The following ZNF589 variants were observed in gnomAD, a reference collection of about 807,000 sequenced individuals.
The protein encoded by ZNF589 is KRAB-zinc finger protein SZF1-1.
ZNF589 carries 17 observed loss-of-function variants against 13.6 expected under a neutral mutation model. The ratio of observed to expected loss-of-function variants is 1.25; its 90% CI spans 0.86 to 1.88. The LOEUF is 1.88. Among genes scored for constraint, ZNF589 ranks in the 40% most tolerant of loss-of-function variants. ZNF589 has a pLI of 0.00. For missense variants in ZNF589, 407 were observed against 434.0 expected, an observed-to-expected ratio of 0.94 and a Z score of 0.55; for synonymous variants, 148 against 161.6, an observed-to-expected ratio of 0.92 and a Z score of 0.64.
intron 2 of ZNF589, chr3:48,256,506 G>A: frequency 1.7e-6 from 1 of 603,754 alleles, no homozygotes. Context: ...TTGAATTGGG[G>A]TTTGCCCTTT....
At chr3:48,262,894 G>A (rs1214208955) in intron 3 of ZNF589, among the ~76,000 whole-genome samples, 1 of 152,192 alleles carries the variant, frequency 6.6e-6, no homozygotes, top group African/African-American at 2.4e-5. Context: ...GCTGGTTGTG[G>A]TGTTTGAGTA....
At chr3:48,251,143 C>T (rs1006528069) in intron 2 of ZNF589, among the ~76,000 whole-genome samples, 1 of 152,154 alleles carries the variant, frequency 6.6e-6, no homozygotes, top group Non-Finnish European at 1.5e-5. Flanking sequence ...ATGAATTTAT[C>T]GGTTGATTTA....
At chr3:48,258,823 G>C (rs1427340858) in intron 2 of ZNF589, among the ~76,000 whole-genome samples, 1 of 152,204 alleles carries the variant, frequency 6.6e-6, no homozygotes, top group Non-Finnish European at 1.5e-5. Flanking sequence ...TGTGCGGTCT[G>C]ACTCCATAGA....
In ZNF589 at chr3:48,269,964, C is replaced by T. The variant is rs190295412; in HGVS notation, c.*1178C>T. 55 of 448,694 alleles carry T rather than the reference C, an allele frequency of 1.2e-4. No individual in the cohort carries two copies. The highest frequency in any genetic ancestry group is 1.0e-3 in the African/African-American group (51 of 49,920). The allele number at this position is 448,694 out of a possible 1,614,324, so 27.8% of individuals were successfully genotyped here. A position where few individuals can be genotyped will look rare whatever the true frequency, so the allele number is the denominator to read the frequency against. On this transcript the variant is annotated 3_prime_UTR_variant, in exon 4 of 4. Transcript: ENST00000354698. ...ACTCTTGTTCTAAGAGCTTTGGGGA[C>T]AGTCTTTTGACCCCTTACATTCCTT...
At chr3:48,246,793 T>C (rs2033771421) in intron 1 of ZNF589, among the ~76,000 whole-genome samples, 1 of 152,060 alleles carries the variant, frequency 6.6e-6, no homozygotes, top group Admixed American at 6.6e-5. Flanking sequence ...CTCAGCCTCC[T>C]GAGTAGCTGG....
At position 48,269,830 on chromosome 3, in the gene ZNF589, C is replaced by G; in HGVS notation, c.*1044C>G. ...GTGGACATCATTACTTGTCACGTGT[C>G]AGAGGACACACTCGGGAGAAACCTT... On this transcript the variant is annotated 3_prime_UTR_variant, in exon 4 of 4. Transcript: ENST00000354698. 2.8e-6 allele frequency: 1 copy of G among 361,322 alleles called. No homozygotes were observed. The highest frequency in any genetic ancestry group is 2.1e-5 in the South Asian group (1 of 47,556). 22.4% of individuals were successfully genotyped at this position (361,322 alleles called of 1,614,324 possible). A position where few individuals can be genotyped will look rare whatever the true frequency, so the allele number is the denominator to read the frequency against.
intron 2 of ZNF589, among the ~76,000 whole-genome samples, chr3:48,248,239 T>C (rs1389310344): frequency 6.6e-6 from 1 of 152,236 alleles, no homozygotes; most frequent in Non-Finnish European, 1.5e-5. Context: ...GTTTAAATCA[T>C]TAACAGCTGT....
At chr3:48,243,477 T>C (rs944203812) in intron 1 of ZNF589, among the ~76,000 whole-genome samples, 1 of 152,088 alleles carries the variant, frequency 6.6e-6, no homozygotes, top group Admixed American at 6.6e-5. Context: ...CTCTGCCTAC[T>C]GTGCCAAGAC....
chr3:48,264,604 G>A (rs2034000730), intron 3 of ZNF589, among the ~76,000 whole-genome samples: 1 of 151,892 alleles, frequency 6.6e-6, no homozygotes, highest in Middle Eastern at 3.4e-3. Flanking sequence ...TGAGGCGGGT[G>A]GATTGCCTGA....
chr3:48,252,060 G>C (rs1167853545), intron 2 of ZNF589, among the ~76,000 whole-genome samples: 1 of 151,836 alleles, frequency 6.6e-6, no homozygotes, highest in Admixed American at 6.6e-5. Context: ...AAAATCAATT[G>C]TGGGTCTGTT....
chr3:48,248,568 A>G (rs1373541870), intron 2 of ZNF589, among the ~76,000 whole-genome samples: 3 of 152,166 alleles, frequency 2.0e-5, no homozygotes, highest in South Asian at 2.1e-4. Flanking sequence ...GATCTTTGCT[A>G]TACCAGAAAT....
At chr3:48,261,065 C>T (rs944999718) in intron 3 of ZNF589, 126 bp downstream of exon 3, 11 of 1,072,182 alleles carry the variant, frequency 1.0e-5, no homozygotes, top group East Asian at 7.9e-5. Context: ...TTTCTTCTCT[C>T]GTGGAGCTTA....
At position 48,260,875 on chromosome 3, in the gene ZNF589, C is replaced by T; in HGVS notation, c.159C>T (p.Ser53=). The T allele has an allele frequency of 6.2e-7, 1 of 1,614,100 alleles. No homozygotes were observed. Among genetic ancestry groups the T allele is most frequent in the Non-Finnish European group, 8.5e-7 (1 of 1,180,018 alleles). Residue 53 remains serine, a synonymous_variant, in exon 3 of 4, where the codon AGC becomes AGT. Coordinates refer to ENST00000354698, the MANE Select transcript of ZNF589 (RefSeq NM_016089.3). ...LFTEAEWKRL[S]LEQRNLYKEV... ...CTGAGGCAGAGTGGAAGAGACTGAG[C>T]CTTGAGCAGAGGAACCTATACAAAG...
chr3:48,258,844 A>G (rs1007089860), intron 2 of ZNF589, among the ~76,000 whole-genome samples: 1 of 152,180 alleles, frequency 6.6e-6, no homozygotes, highest in Non-Finnish European at 1.5e-5. Flanking sequence ...TTGGGCTCCT[A>G]CTACATCCAC....
rs762732191 is a variant in ZNF589, at chr3:48,256,760, C to T, written c.97-4053C>T. 5 of 1,604,182 alleles carry T rather than the reference C, an allele frequency of 3.1e-6. No homozygotes were observed. In the Admixed American group the frequency reaches 5.0e-5, roughly 16 times the overall value. On this transcript the variant is annotated intron_variant, in intron 2 of 3. Transcript: ENST00000354698. ...GCCAGAGGGGTTAGGAGGATTTGGA[C>T]TCTCCTTGGGAGTCGCTGTGATACG... is the stretch of plus-strand genomic sequence containing the variant.
chr3:48,247,894 G>A (rs1261971233), intron 2 of ZNF589, among the ~76,000 whole-genome samples: 2 of 152,142 alleles, frequency 1.3e-5, no homozygotes, highest in East Asian at 3.9e-4. Context: ...TTTTAATTCA[G>A]AGTATTCTAA....
intron 1 of ZNF589, among the ~76,000 whole-genome samples, chr3:48,242,785 C>T (rs2033713153): frequency 6.6e-6 from 1 of 151,960 alleles, no homozygotes; most frequent in African/African-American, 2.4e-5. Context: ...TGAATTTTGG[C>T]TGAGTGCAGT....
intron 3 of ZNF589, among the ~76,000 whole-genome samples, chr3:48,264,656 C>T (rs984586033): frequency 1.3e-5 from 2 of 151,848 alleles, no homozygotes; most frequent in African/African-American, 4.8e-5. Flanking sequence ...TGGTGAAACC[C>T]CGTCACTACT....
chr3:48,243,646 T>C (rs1425888020), intron 1 of ZNF589, among the ~76,000 whole-genome samples: 3 of 152,000 alleles, frequency 2.0e-5, no homozygotes, highest in African/African-American at 7.2e-5. Flanking sequence ...CCTCTATCTC[T>C]ACTAAAAATA....
Sources: allele counts gnomAD v4.1 joint callset (sites outside exome capture counted in the v4.1 genomes callset), GRCh38; gene constraint gnomAD v4.1.1; transcripts MANE v1.5; gene names NCBI Gene and HGNC (gene_info 2026-07-23, HGNC 2026-07-21).